CR2: variants seen among roughly 807,000 people sequenced by gnomAD.
CR2 encodes the protein complement receptor type 2.
In CR2, 96 loss-of-function variants were observed where a neutral mutation model predicts 123.0. That is an observed-to-expected ratio of 0.78 (90% CI 0.66 to 0.93). The LOEUF (loss-of-function observed/expected upper bound fraction) is 0.93, where lower values mean the gene tolerates loss of function less well. CR2 is among the 40% of genes least tolerant of loss of function. The probability of loss-of-function intolerance (pLI) is 0.00; values close to 1 mark genes in which losing one functional copy is unlikely to be tolerated. For synonymous variants in CR2, 484 were observed against 469.5 expected, an observed-to-expected ratio of 1.03 and a Z score of -0.40; for missense variants, 1,258 against 1,361.0, an observed-to-expected ratio of 0.92 and a Z score of 1.19.
In CR2 at chr1:207,469,975, A is replaced by T. The variant is rs1413025510; in HGVS notation, c.1098A>T (p.Lys366Asn). The change falls in exon 6 of 20, where the codon AAA becomes AAT. Residue 366 changes from lysine (K) to asparagine (N), a missense_variant. Lys to Asn is a moderately conservative substitution (Grantham distance 94, BLOSUM62 0). Coordinates refer to ENST00000367057, the MANE Select transcript of CR2 (RefSeq NM_001006658.3). ...ILRGRMVSGQKDRYTYNDTVI... is the reference protein window; with the variant it reads ...ILRGRMVSGQNDRYTYNDTVI... ...GAGGCCGAATGGTATCTGGGCAGAA[A>T]GATCGATATACCTATAACGACACTG... The T allele has an allele frequency of 6.2e-7, 1 of 1,614,030 alleles. No individual in the cohort carries two copies. The highest frequency in any genetic ancestry group is 2.2e-5 in the East Asian group (1 of 44,880).
At chr1:207,458,741 C>T (rs1049820051) in intron 1 of CR2, among the ~76,000 whole-genome samples, 1 of 152,218 alleles carries the variant, frequency 6.6e-6, no homozygotes, top group Non-Finnish European at 1.5e-5. Flanking sequence ...CCTTCCAGTG[C>T]ATTACATTGT....
At chr1:207,465,257 G>C (rs1204555652) in intron 1 of CR2, among the ~76,000 whole-genome samples, 2 of 152,130 alleles carry the variant, frequency 1.3e-5, no homozygotes, top group Admixed American at 1.3e-4. Flanking sequence ...AGTAAACTTT[G>C]AAAGTAATAT....
intron 15 of CR2, 61 bp downstream of exon 15, chr1:207,476,480 A>T: frequency 6.8e-7 from 1 of 1,473,520 alleles, no homozygotes; most frequent in Non-Finnish European, 9.3e-7. Context: ...AGATATATTC[A>T]GTTGGGTACT....
At position 207,454,468 on chromosome 1, in the gene CR2, G is replaced by T. The variant is rs747931353; in HGVS notation, c.50G>T (p.Gly17Val). The T allele has an allele frequency of 2.5e-6, 4 of 1,573,222 alleles. No individual in the cohort carries two copies. In the South Asian group the frequency reaches 3.4e-5, roughly 13 times the overall value. The change falls in exon 1 of 20, where the codon GGG (glycine) becomes GTG (valine). Residue 17 changes from glycine to valine, a missense_variant. By Grantham distance (109) the Gly-to-Val change is moderately radical. Transcript: ENST00000367057. The surrounding 1 kb of genome is among the most constrained non-coding windows in gnomAD (Gnocchi z 4.3). ...LGVFLALVAP[G>V]VLGISCGSPP... ...GTTTTCTTGGCTCTCGTCGCACCGG[G>T]GGTCCTCGGTGAGCTGGGAGGGGGA...
chr1:207,476,882 T>A (rs1406610202), intron 15 of CR2, among the ~76,000 whole-genome samples: 2 of 152,278 alleles, frequency 1.3e-5, no homozygotes, highest in African/African-American at 4.8e-5. Context: ...TAAATTAGTG[T>A]CTAGTATTCA....
intron 1 of CR2, among the ~76,000 whole-genome samples, chr1:207,458,824 T>A (rs1016521881): frequency 2.6e-5 from 4 of 152,222 alleles, no homozygotes; most frequent in Admixed American, 2.6e-4. Flanking sequence ...TTACAGTCTG[T>A]CTCTTTCTGT....
rs993308395 is a variant in CR2 at position 207,454,569 on chromosome 1, C to G, written c.58+93C>G. On this transcript the variant is annotated intron_variant, in intron 1 of 19. Coordinates refer to ENST00000367057, the MANE Select transcript of CR2 (RefSeq NM_001006658.3). The surrounding 1 kb of genome is among the most constrained non-coding windows in gnomAD (Gnocchi z 4.3). ...GCAAAGCAGGGGGCCAAAAGCGAGACGGTGGGGGCAGTGCTCGACGCGTGT... is the reference window on the plus strand; with the variant it reads ...GCAAAGCAGGGGGCCAAAAGCGAGAGGGTGGGGGCAGTGCTCGACGCGTGT... 2.0e-6 allele frequency: 2 copies of G among 996,642 alleles called. No homozygotes were observed. Among genetic ancestry groups the G allele is most frequent in the Admixed American group, 5.3e-5 (2 of 37,692 alleles). The allele number at this position is 996,642 out of a possible 1,614,324, so 61.7% of individuals were successfully genotyped here.
At chr1:207,485,711 G>T in intron 19 of CR2, 139 bp downstream of exon 19, 1 of 639,226 alleles carries the variant, frequency 1.6e-6, no homozygotes. Context: ...CATAGCAATT[G>T]TTCATTTACC....
Position 207,473,195 on chromosome 1 carries a change from G to T in CR2, c.1978+16G>T. The T allele has an allele frequency of 6.2e-7, 1 of 1,612,372 alleles. No individual in the cohort carries two copies. The highest frequency in any genetic ancestry group is 1.1e-5 in the South Asian group (1 of 90,892). ...TGTGAAAAAGGTAAAAACCCAATAAGGGGGAAAAAAGGAGAGATTTACTTA... is the reference window on the plus strand; with the variant it reads ...TGTGAAAAAGGTAAAAACCCAATAATGGGGAAAAAAGGAGAGATTTACTTA... On this transcript the variant is annotated intron_variant, in intron 10 of 19. Transcript: ENST00000367057.
chr1:207,463,424 C>T (rs1418226798), intron 1 of CR2, among the ~76,000 whole-genome samples: 1 of 152,120 alleles, frequency 6.6e-6, no homozygotes. Context: ...GAGAGGATCC[C>T]TAGAAGAGAA....
At chr1:207,471,343 G>A (rs766201638) in intron 8 of CR2, 80 bp from the exon 9 acceptor site, 36 of 1,115,264 alleles carry the variant, frequency 3.2e-5, no homozygotes, top group African/African-American at 4.6e-5. Context: ...TGAAAGTAGT[G>A]AGTCTGCTTG....
Position 207,469,900 on chromosome 1 carries a change from C to T in CR2, c.1023C>T (p.Arg341=). 1 of 1,613,998 alleles carries T rather than the reference C, an allele frequency of 6.2e-7. No homozygotes were observed. Among genetic ancestry groups the T allele is most frequent in the Non-Finnish European group, 8.5e-7 (1 of 1,179,936 alleles). ...KTGTWSGPAP[R]CELSTSAVQC... ...GGACCTGGAGTGGCCCTGCCCCACG[C>T]TGTGAACTTTCTACTTCTGCGGTTC... Residue 341 remains arginine, a synonymous_variant, in exon 6 of 20, where the codon CGC becomes CGT. Transcript: ENST00000367057.
At chr1:207,473,243 C>G (rs1658339930) in intron 10 of CR2, 64 bp downstream of exon 10, 11 of 1,574,570 alleles carry the variant, frequency 7.0e-6, no homozygotes, top group Non-Finnish European at 9.5e-6. Context: ...TATTATCTCC[C>G]ACCCAAAACT....
chr1:207,469,711 A>C lies in CR2; in HGVS notation c.834A>C (p.Ser278=). The change falls in exon 6 of 20, where the codon TCA becomes TCC. Residue 278 remains serine, a synonymous_variant. Coordinates refer to ENST00000367057, the MANE Select transcript of CR2 (RefSeq NM_001006658.3). ...TTCCCCTAGAAATTTTTTGCCCATCACCTCCCCCTATTCTCAATGGAAGAC... is the reference window on the plus strand; with the variant it reads ...TTCCCCTAGAAATTTTTTGCCCATCCCCTCCCCCTATTCTCAATGGAAGAC... ...MPVCEEIFCP[S]PPPILNGRHI... is the part of the protein sequence containing the mutation. 6.2e-7 allele frequency: 1 copy of C among 1,613,246 alleles called. No homozygotes were observed. Among genetic ancestry groups the C allele is most frequent in the Non-Finnish European group, 8.5e-7 (1 of 1,179,724 alleles).
At chr1:207,478,570 TAAAAAA>T (rs1469205666) in intron 16 of CR2, among the ~76,000 whole-genome samples, 4 of 96,526 alleles carry the variant, frequency 4.1e-5, no homozygotes, top group Non-Finnish European at 6.8e-5. Flanking sequence ...TTAAATAAAA[TAAAAAA>T]GAAAAAGGAA....
intron 18 of CR2, 115 bp from the exon 19 acceptor site, chr1:207,485,349 A>T (rs1008583937): frequency 3.5e-5 from 25 of 704,692 alleles, no homozygotes; most frequent in Non-Finnish European, 6.2e-5. Flanking sequence ...AAAAAAATGA[A>T]ATCATCCACA....
intron 18 of CR2, among the ~76,000 whole-genome samples, chr1:207,481,659 C>T (rs1329851388): frequency 6.6e-6 from 1 of 152,048 alleles, no homozygotes; most frequent in Non-Finnish European, 1.5e-5. Flanking sequence ...TTCACTATTT[C>T]CTTCCAGAAA....
At chr1:207,472,180 C>T (rs547754507) in intron 9 of CR2, among the ~76,000 whole-genome samples, 4 of 151,714 alleles carry the variant, frequency 2.6e-5, no homozygotes, top group Admixed American at 1.3e-4. Flanking sequence ...ACCCGGGAGG[C>T]GGAGATTGCA....
At position 207,454,467 on chromosome 1, in the gene CR2, G is replaced by A. The variant is rs778871548; in HGVS notation, c.49G>A (p.Gly17Arg). Residue 17 changes from glycine to arginine, a missense_variant, in exon 1 of 20, where the codon GGG becomes AGG. Transcript: ENST00000367057. The surrounding 1 kb of genome is among the most constrained non-coding windows in gnomAD (Gnocchi z 4.3). Reference protein sequence around the residue: ...LGVFLALVAPGVLGISCGSPP... With the variant: ...LGVFLALVAPRVLGISCGSPP... The stretch of plus-strand genomic sequence containing the variant: ...GGTTTTCTTGGCTCTCGTCGCACCG[G>A]GGGTCCTCGGTGAGCTGGGAGGGGG... The A allele has an allele frequency of 6.4e-7, 1 of 1,572,352 alleles. No homozygotes were observed. The highest frequency in any genetic ancestry group is 8.6e-7 in the Non-Finnish European group (1 of 1,164,478).
Sources: allele counts gnomAD v4.1 joint callset (sites outside exome capture counted in the v4.1 genomes callset), GRCh38; gene constraint gnomAD v4.1.1; non-coding constraint Gnocchi (gnomAD v3.1); transcripts MANE v1.5; gene names NCBI Gene and HGNC (gene_info 2026-07-23, HGNC 2026-07-21).